Variants in TRABD2B observed in about 807,000 individuals in gnomAD.
TRABD2B encodes the protein metalloprotease TIKI2.
TRABD2B carries 14 observed loss-of-function variants against 40.1 expected under a neutral mutation model. That is an observed-to-expected ratio of 0.35 (90% confidence interval 0.23 to 0.55). TRABD2B has a LOEUF of 0.55. Ranked by LOEUF, TRABD2B falls within the 20% of genes least tolerant of loss-of-function variation. The probability of loss-of-function intolerance (pLI) is 0.90; values close to 1 mark genes in which losing one functional copy is unlikely to be tolerated. For missense variants in TRABD2B, 541 were observed against 648.6 expected, an observed-to-expected ratio of 0.83 and a Z score of 1.80; for synonymous variants, 263 against 277.0, an observed-to-expected ratio of 0.95 and a Z score of 0.50.
chr1:47,800,201 G>A (rs1276158387), intron 3 of TRABD2B, among the ~76,000 whole-genome samples: 1 of 152,124 alleles, frequency 6.6e-6, no homozygotes, highest in Non-Finnish European at 1.5e-5. Context: ...AATGAATCAA[G>A]TAGATAGTGT....
chr1:47,851,064 C>T (rs922831574), intron 2 of TRABD2B, among the ~76,000 whole-genome samples: 20 of 152,272 alleles, frequency 1.3e-4, no homozygotes, highest in African/African-American at 4.8e-4. Context: ...TGGCCTGGTT[C>T]CTAACAGGCT....
intron 2 of TRABD2B, among the ~76,000 whole-genome samples, chr1:47,826,452 A>T (rs964911389): frequency 6.6e-6 from 1 of 152,144 alleles, no homozygotes; most frequent in East Asian, 1.9e-4. Context: ...ATTTATTTCA[A>T]ATAAATAAAA....
chr1:47,867,168 A>G (rs1023595582), intron 2 of TRABD2B, among the ~76,000 whole-genome samples: 1 of 152,230 alleles, frequency 6.6e-6, no homozygotes, highest in Non-Finnish European at 1.5e-5. Flanking sequence ...ATGAGAAAAC[A>G]TGGACTTTAG....
In TRABD2B at chr1:47,775,275, A is replaced by G. The variant is rs1375674915; in HGVS notation, c.1244T>C (p.Leu415Pro). 3 of 1,256,764 alleles carry G rather than the reference A, an allele frequency of 2.4e-6. No individual in the cohort carries two copies. Among genetic ancestry groups the G allele is most frequent in the Non-Finnish European group, 3.0e-6 (3 of 998,194 alleles). The allele number at this position is 1,256,764 out of a possible 1,614,324, so 77.9% of individuals were successfully genotyped here. A position where few individuals can be genotyped will look rare whatever the true frequency, so the allele number is the denominator to read the frequency against. ...LSPHLLLPDS[L>P]SQLEEFGRQR... ...CCGGCCAAACTCCTCCAGCTGGCTG[A>G]GGCTGTCGGGGAGCAGGAGGTGTGG... The change falls in exon 6 of 7, where the codon CTC becomes CCC. Residue 415 changes from leucine (L) to proline (P), a missense_variant. This residue lies in a region of TRABD2B where 172 missense variants were observed against 155.8 expected (regional missense o/e 1.10). Transcript: ENST00000606738.
At chr1:47,847,274 T>C (rs972727937) in intron 2 of TRABD2B, among the ~76,000 whole-genome samples, 4 of 152,142 alleles carry the variant, frequency 2.6e-5, no homozygotes, top group African/African-American at 9.7e-5. Context: ...TCTTCCATGG[T>C]GCGCTGCCAC....
chr1:47,925,342 G>T (rs983334991), intron 2 of TRABD2B, among the ~76,000 whole-genome samples: 3 of 151,970 alleles, frequency 2.0e-5, no homozygotes, highest in Admixed American at 6.5e-5. Flanking sequence ...ATTGAAAAAA[G>T]AAAGCAAAGA....
rs1437799791 is a variant in TRABD2B, at chr1:47,763,755, G to A, written c.*2147C>T. ...CTCTGCCCCAAACAGAGAGGAATCT[G>A]GCCTGTGTGCTTCTAATTCCTTTAC... On this transcript the variant is annotated 3_prime_UTR_variant, in exon 7 of 7. Transcript: ENST00000606738. The A allele has an allele frequency of 6.6e-6, 1 of 152,206 alleles. No homozygotes were observed. Among genetic ancestry groups the A allele is most frequent in the East Asian group, 1.9e-4 (1 of 5,194 alleles). 9.4% of individuals were successfully genotyped at this position (152,206 alleles called of 1,614,324 possible). A position where few individuals can be genotyped will look rare whatever the true frequency, so the allele number is the denominator to read the frequency against.
intron 2 of TRABD2B, among the ~76,000 whole-genome samples, chr1:47,865,512 T>C (rs1164273069): frequency 6.6e-6 from 1 of 152,076 alleles, no homozygotes; most frequent in Non-Finnish European, 1.5e-5. Flanking sequence ...TTGTTAGACA[T>C]CTGTGGTTCA....
chr1:47,955,574 C>T (rs1645407692), intron 2 of TRABD2B, among the ~76,000 whole-genome samples: 2 of 152,172 alleles, frequency 1.3e-5, no homozygotes, highest in Admixed American at 6.5e-5. Context: ...CAAATTTACT[C>T]ATATTTCTGG....
At chr1:47,810,572 C>T (rs982751504) in intron 2 of TRABD2B, among the ~76,000 whole-genome samples, 1 of 152,196 alleles carries the variant, frequency 6.6e-6, no homozygotes, top group Non-Finnish European at 1.5e-5. Flanking sequence ...AGGCGACGGA[C>T]CTGTGTTAGG....
At chr1:47,911,590 C>T (rs1400509732) in intron 2 of TRABD2B, among the ~76,000 whole-genome samples, 4 of 152,228 alleles carry the variant, frequency 2.6e-5, no homozygotes, top group Admixed American at 6.5e-5. Context: ...CTCATGTGGA[C>T]GGGTCCCTGG....
chr1:47,804,927 C>T (rs988115078), intron 2 of TRABD2B, among the ~76,000 whole-genome samples: 14 of 152,306 alleles, frequency 9.2e-5, no homozygotes, highest in Admixed American at 1.3e-4. Flanking sequence ...GGCAGGCGGG[C>T]GCCTGAAGTC....
intron 2 of TRABD2B, among the ~76,000 whole-genome samples, chr1:47,889,802 G>A (rs1244228306): frequency 6.6e-6 from 1 of 152,216 alleles, no homozygotes; most frequent in East Asian, 1.9e-4. Flanking sequence ...GCAACCACAG[G>A]CACAACCTTT....
At chr1:47,856,307 C>T (rs1643889230) in intron 2 of TRABD2B, among the ~76,000 whole-genome samples, 1 of 152,366 alleles carries the variant, frequency 6.6e-6, no homozygotes, top group East Asian at 1.9e-4. Context: ...CTGCTCTACC[C>T]TCTGCTGTCC....
intron 6 of TRABD2B, among the ~76,000 whole-genome samples, chr1:47,771,976 C>T (rs925423683): frequency 5.3e-5 from 8 of 152,242 alleles, no homozygotes; most frequent in East Asian, 1.9e-4. Context: ...CTGATCCTCA[C>T]GGCCTCCCAG....
At chr1:47,954,707 G>A (rs1645393773) in intron 2 of TRABD2B, among the ~76,000 whole-genome samples, 2 of 152,138 alleles carry the variant, frequency 1.3e-5, no homozygotes, top group African/African-American at 4.8e-5. Context: ...TTCAGCAGAG[G>A]GGCCAGGCTG....
intron 2 of TRABD2B, among the ~76,000 whole-genome samples, chr1:47,922,472 G>A (rs1022480994): frequency 7.2e-5 from 11 of 152,186 alleles, no homozygotes; most frequent in African/African-American, 2.7e-4. Flanking sequence ...AGCCCACACA[G>A]AATCTAGCAC....
intron 2 of TRABD2B, among the ~76,000 whole-genome samples, chr1:47,882,176 C>T (rs1644314301): frequency 6.6e-6 from 1 of 152,246 alleles, no homozygotes; most frequent in Non-Finnish European, 1.5e-5. Context: ...TAATTCCATT[C>T]CTTATGTAAA....
intron 2 of TRABD2B, among the ~76,000 whole-genome samples, chr1:47,866,511 A>T (rs1644060105): frequency 6.6e-6 from 1 of 152,142 alleles, no homozygotes; most frequent in Non-Finnish European, 1.5e-5. Flanking sequence ...GAGGGAAGAC[A>T]CTGGCTCAGT....
Sources: allele counts gnomAD v4.1 joint callset (sites outside exome capture counted in the v4.1 genomes callset), GRCh38; gene constraint gnomAD v4.1.1; regional missense constraint gnomAD v4.1.1; transcripts MANE v1.5; gene names NCBI Gene and HGNC (gene_info 2026-07-23, HGNC 2026-07-21).